Variants in RCN3 observed in about 807,000 individuals in gnomAD.
RCN3 encodes reticulocalbin 3, also known as reticulocalbin-3.
A neutral mutation model predicts 35.9 loss-of-function variants in RCN3; 41 were observed. The ratio of observed to expected loss-of-function variants is 1.14; its 90% CI spans 0.89 to 1.48. RCN3 has a LOEUF of 1.48. RCN3 is among the 40% of genes most tolerant of loss of function. The pLI is 0.00. For missense variants in RCN3, 451 were observed against 471.3 expected (o/e 0.96, Z 0.40); for synonymous variants, 187 against 193.4 (o/e 0.97, Z 0.27).
chr19:49,531,944 G>C (rs1453373400), intron 2 of RCN3, among the ~76,000 whole-genome samples: 1 of 150,712 alleles, frequency 6.6e-6, no homozygotes, highest in African/African-American at 2.4e-5. Flanking sequence ...GGGACTACAG[G>C]CGCCCACCAC....
At chr19:49,542,990 A>G (rs911975434) in intron 6 of RCN3, 116 bp from the exon 7 acceptor site, 5 of 913,788 alleles carry the variant, frequency 5.5e-6, no homozygotes, top group Non-Finnish European at 7.0e-6. Context: ...TCAGAGAGAA[A>G]GGGACAGAGG....
At chr19:49,528,435 AC>A in intron 1 of RCN3, 31 bp from the exon 2 acceptor site, 2 of 1,452,374 alleles carry the variant, frequency 1.4e-6, no homozygotes, top group South Asian at 1.5e-5. Context: ...CATCCCTGTG[AC>A]CCCTGACCCC....
At chr19:49,539,035 C>A in intron 4 of RCN3, 84 bp from the exon 5 acceptor site, 1 of 946,768 alleles carries the variant, frequency 1.1e-6, no homozygotes, top group Non-Finnish European at 1.6e-6. Context: ...TCCAAGAGAA[C>A]CTCTCACTCT....
At chr19:49,534,072 C>A in intron 2 of RCN3, 121 bp from the exon 3 acceptor site, 1 of 1,046,986 alleles carries the variant, frequency 9.6e-7, no homozygotes. Flanking sequence ...CCAGTTAGCC[C>A]GCGGACCGTG....
rs1233393060 is a variant in RCN3 at position 49,543,106 on chromosome 19, G to A, written c.880G>A (p.Asp294Asn). The A allele has an allele frequency of 6.2e-7, 1 of 1,613,958 alleles. No homozygotes were observed. Among genetic ancestry groups the A allele is most frequent in the South Asian group, 1.1e-5 (1 of 91,070 alleles). ...HLLHESDTDK[D>N]GRLSKAEILG... ...CTCTGAACCCTGACCCTCCCTCCAG[G>A]ATGGGCGGCTGAGCAAAGCGGAAAT... Residue 294 changes from aspartate (D) to asparagine (N), a missense_variant and splice_region_variant, in exon 7 of 7, where the codon GAT becomes AAT. Asp to Asn is a conservative substitution (Grantham distance 23, BLOSUM62 1). Coordinates refer to ENST00000270645, the MANE Select transcript of RCN3 (RefSeq NM_020650.3).
intron 5 of RCN3, 125 bp from the exon 6 acceptor site, chr19:49,542,428 C>T (rs189893905): frequency 4.9e-4 from 309 of 628,198 alleles, no homozygotes; most frequent in Non-Finnish European, 7.2e-4. Context: ...GACGCTGAGG[C>T]GAGAGAGAGG....
At chr19:49,534,627 CT>C (rs1280782973) in intron 3 of RCN3, among the ~76,000 whole-genome samples, 2 of 152,086 alleles carry the variant, frequency 1.3e-5, no homozygotes, top group Non-Finnish European at 2.9e-5. Flanking sequence ...TAAAAACGAT[CT>C]TTTTTTCAAA....
chr19:49,537,256 G>C, intron 4 of RCN3, 51 bp downstream of exon 4: 1 of 1,419,452 alleles, frequency 7.0e-7, no homozygotes, highest in Admixed American at 2.6e-5. Flanking sequence ...GGGGACCCAG[G>C]CTTCCGGTTC....
chr19:49,538,840 G>A (rs1435569348), intron 4 of RCN3, among the ~76,000 whole-genome samples: 1 of 152,168 alleles, frequency 6.6e-6, no homozygotes, highest in African/African-American at 2.4e-5. Context: ...TAGGGACCCA[G>A]GACAGCTCCC....
At chr19:49,532,774 C>A (rs1446371771) in intron 2 of RCN3, among the ~76,000 whole-genome samples, 1 of 152,334 alleles carries the variant, frequency 6.6e-6, no homozygotes, top group East Asian at 1.9e-4. Context: ...CTCCCAGATT[C>A]AACCAATTCT....
intron 2 of RCN3, among the ~76,000 whole-genome samples, chr19:49,531,589 G>A (rs542857623): frequency 3.9e-5 from 6 of 152,288 alleles, no homozygotes; most frequent in East Asian, 3.9e-4. Flanking sequence ...GTGAGGAAGC[G>A]ACTGCGATAG....
chr19:49,537,807 A>T (rs2080143787), intron 4 of RCN3, among the ~76,000 whole-genome samples: 1 of 143,626 alleles, frequency 7.0e-6, no homozygotes, highest in African/African-American at 2.6e-5. Context: ...CCAATTTTTA[A>T]TTTTTTTTTC....
At chr19:49,540,776 G>A (rs917258446) in intron 5 of RCN3, among the ~76,000 whole-genome samples, 2 of 151,622 alleles carry the variant, frequency 1.3e-5, no homozygotes, top group Admixed American at 6.6e-5. Flanking sequence ...TGCGGCCTCT[G>A]GAGATACTTC....
At chr19:49,530,164 C>T (rs2080101427) in intron 2 of RCN3, among the ~76,000 whole-genome samples, 2 of 150,568 alleles carry the variant, frequency 1.3e-5, no homozygotes, top group Admixed American at 1.3e-4. Flanking sequence ...TTTTTTCTTT[C>T]CTTTTTTTTT....
intron 3 of RCN3, among the ~76,000 whole-genome samples, chr19:49,535,424 T>G (rs1369580046): frequency 6.6e-6 from 1 of 152,186 alleles, no homozygotes; most frequent in African/African-American, 2.4e-5. Context: ...GAGAATCAAT[T>G]TTTGCATTCA....
rs187808835 is a variant in RCN3 at position 49,532,295 on chromosome 19, C to T, written c.243-1898C>T. On this transcript the variant is annotated intron_variant, in intron 2 of 6. Coordinates refer to ENST00000270645, the MANE Select transcript of RCN3 (RefSeq NM_020650.3). Reference sequence around the variant, plus strand: ...TAATTTTTTGTATTTTTAGTAGAGACGGGGTTTCACCATGTTAGCCAGGAT... The same window carrying T: ...TAATTTTTTGTATTTTTAGTAGAGATGGGGTTTCACCATGTTAGCCAGGAT... Among the ~76,000 whole-genome samples, 138 of 150,576 alleles carry T rather than the reference C, an allele frequency of 9.2e-4. 2 individuals carry two copies. The highest frequency in any genetic ancestry group is 7.3e-3 in the Admixed American group (110 of 15,018).
At chr19:49,540,093 A>G (rs886519779) in intron 5 of RCN3, among the ~76,000 whole-genome samples, 2 of 152,000 alleles carry the variant, frequency 1.3e-5, no homozygotes, top group Non-Finnish European at 2.9e-5. Context: ...CTACATGAGA[A>G]AACATTTTTC....
rs765463336 is a variant in RCN3 at position 49,542,558 on chromosome 19, C to T, written c.685C>T (p.Leu229=). The T allele has an allele frequency of 2.0e-5, 32 of 1,595,718 alleles. No homozygotes were observed. Among genetic ancestry groups the T allele is most frequent in the Non-Finnish European group, 2.6e-5 (30 of 1,172,016 alleles). The change falls in exon 6 of 7, where the codon CTG becomes TTG. Residue 229 remains leucine (L), a synonymous_variant. Coordinates refer to ENST00000270645, the MANE Select transcript of RCN3 (RefSeq NM_020650.3). ...CCCTCTGTCCCGGCCCCCAGCGGAT[C>T]TGTACTCAGCCGAGCCTGGGGAGGA... ...YVQVEEYIAD[L]YSAEPGEEEP...
chr19:49,536,831 C>T (rs1290421888), intron 3 of RCN3, among the ~76,000 whole-genome samples: 1 of 152,060 alleles, frequency 6.6e-6, no homozygotes, highest in Non-Finnish European at 1.5e-5. Context: ...GTCTCAAACT[C>T]CTGACCTCAA....
Sources: gnomAD v4.1 joint callset for allele counts (sites outside exome capture counted in the v4.1 genomes callset) on GRCh38, gnomAD v4.1.1 for gene constraint, MANE v1.5 for transcripts, NCBI Gene and HGNC (gene_info 2026-07-23, HGNC 2026-07-21) for gene names.